Variants in PEBP4 observed in about 807,000 individuals in gnomAD.
PEBP4 encodes the protein phosphatidylethanolamine-binding protein 4.
A neutral mutation model predicts 23.9 loss-of-function variants in PEBP4; 22 were observed. The observed-to-expected ratio is 0.92, with a 90% CI of 0.66 to 1.31. The LOEUF (loss-of-function observed/expected upper bound fraction) is 1.31, where lower values mean the gene tolerates loss of function less well. Ranked by LOEUF, PEBP4 falls within the 40% of genes most tolerant of loss-of-function variation. The pLI is 0.00. For missense variants in PEBP4, 324 were observed against 281.7 expected (o/e 1.15, Z -1.07); for synonymous variants, 112 against 99.3 (o/e 1.13, Z -0.76).
chr8:22,919,470 C>T (rs950270726), intron 3 of PEBP4, among the ~76,000 whole-genome samples: 2 of 152,216 alleles, frequency 1.3e-5, no homozygotes, highest in Non-Finnish European at 2.9e-5. Flanking sequence ...GACCAGAAGG[C>T]CAGATCAGCT....
chr8:22,833,211 A>G (rs1807124223), intron 3 of PEBP4, among the ~76,000 whole-genome samples: 1 of 152,070 alleles, frequency 6.6e-6, no homozygotes, highest in Non-Finnish European at 1.5e-5. Flanking sequence ...GTCTTACCAT[A>G]CCCAATTAGA....
intron 3 of PEBP4, among the ~76,000 whole-genome samples, chr8:22,903,240 C>T (rs1808746581): frequency 6.6e-6 from 1 of 152,204 alleles, no homozygotes; most frequent in African/African-American, 2.4e-5. Context: ...CGTTGAAATC[C>T]TGGCTTCATC....
chr8:22,714,969 A>G (rs1313682074), intron 6 of PEBP4, among the ~76,000 whole-genome samples: 50 of 152,260 alleles, frequency 3.3e-4, no homozygotes, highest in Admixed American at 3.3e-3. Context: ...AGCTTGACAC[A>G]TAATTCGCTT....
At chr8:22,907,043 C>A (rs1228779386) in intron 3 of PEBP4, among the ~76,000 whole-genome samples, 1 of 152,056 alleles carries the variant, frequency 6.6e-6, no homozygotes, top group South Asian at 2.1e-4. Context: ...TGGAAGGTAA[C>A]CTTTAAGCAA....
intron 2 of PEBP4, among the ~76,000 whole-genome samples, chr8:22,920,913 G>C (rs1809185817): frequency 6.6e-6 from 1 of 152,354 alleles, no homozygotes; most frequent in African/African-American, 2.4e-5. Context: ...CCCTCAGGGG[G>C]TAAAACACTG....
At chr8:22,810,711 T>TGTGAGA (rs1353277443) in intron 4 of PEBP4, among the ~76,000 whole-genome samples, 3 of 134,166 alleles carry the variant, frequency 2.2e-5, no homozygotes, top group African/African-American at 9.0e-5. Context: ...TGTGTGTGTG[T>TGTGAGA]GTGAGAGAGA....
chr8:22,792,429 G>A (rs1336219350), intron 4 of PEBP4, among the ~76,000 whole-genome samples: 1 of 152,082 alleles, frequency 6.6e-6, no homozygotes, highest in Non-Finnish European at 1.5e-5. Context: ...CCTGCTTTGT[G>A]GCCTTAGATC....
At chr8:22,770,608 T>C (rs1442726593) in intron 4 of PEBP4, among the ~76,000 whole-genome samples, 1 of 152,232 alleles carries the variant, frequency 6.6e-6, no homozygotes, top group Non-Finnish European at 1.5e-5. Flanking sequence ...TCATTGTGAC[T>C]GTGTGATTTT....
intron 6 of PEBP4, among the ~76,000 whole-genome samples, chr8:22,716,032 G>T (rs889823905): frequency 6.6e-6 from 1 of 152,178 alleles, no homozygotes; most frequent in African/African-American, 2.4e-5. Context: ...TATCCTGGAT[G>T]CACCTAGGCC....
chr8:22,868,014 G>C (rs1276838764), intron 3 of PEBP4, among the ~76,000 whole-genome samples: 1 of 152,184 alleles, frequency 6.6e-6, no homozygotes, highest in Non-Finnish European at 1.5e-5. Flanking sequence ...ATCTAGCCCA[G>C]CCCGGCTGGC....
chr8:22,773,297 A>G (rs993592943), intron 4 of PEBP4, among the ~76,000 whole-genome samples: 1 of 152,208 alleles, frequency 6.6e-6, no homozygotes, highest in African/African-American at 2.4e-5. Context: ...CAGGTGTATT[A>G]TTACTCTGAT....
chr8:22,860,194 A>ATATATATATACACATATATATG (rs1807744631), intron 3 of PEBP4, among the ~76,000 whole-genome samples: 1,698 of 97,138 alleles, frequency 0.017, 101 homozygotes, highest in African/African-American at 0.063. Flanking sequence ...ATATATATGT[A>ATATATATATACACATATATATG]TATATATATA....
chr8:22,841,906 C>G (rs1017887637), intron 3 of PEBP4, among the ~76,000 whole-genome samples: 2 of 152,244 alleles, frequency 1.3e-5, no homozygotes, highest in African/African-American at 4.8e-5. Context: ...GGAGTGCTGT[C>G]TTTGGTTTCC....
intron 3 of PEBP4, among the ~76,000 whole-genome samples, chr8:22,862,421 G>A (rs918188054): frequency 1.3e-5 from 2 of 152,000 alleles, no homozygotes; most frequent in African/African-American, 4.8e-5. Context: ...CAGGGTCCCT[G>A]ATTTCCTCCC....
At chr8:22,751,841 C>G (rs1385273017) in intron 4 of PEBP4, among the ~76,000 whole-genome samples, 1 of 152,152 alleles carries the variant, frequency 6.6e-6, no homozygotes, top group Non-Finnish European at 1.5e-5. Flanking sequence ...CCTGCCTTCC[C>G]ATTGTCAGTC....
intron 3 of PEBP4, among the ~76,000 whole-genome samples, chr8:22,819,387 C>T (rs564371020): frequency 1.3e-5 from 2 of 152,190 alleles, no homozygotes; most frequent in Non-Finnish European, 2.9e-5. Context: ...ACTTGGATAT[C>T]ACTGTTATCA....
upstream of PEBP4, among the ~76,000 whole-genome samples, chr8:22,932,308 T>C (rs1421409603): frequency 1.3e-5 from 2 of 150,672 alleles, no homozygotes; most frequent in African/African-American, 4.9e-5. Context: ...CTTTTAAAGG[T>C]GATGAAAATG....
intron 3 of PEBP4, among the ~76,000 whole-genome samples, chr8:22,858,850 G>A (rs894600517): frequency 1.3e-5 from 2 of 152,208 alleles, no homozygotes; most frequent in Non-Finnish European, 2.9e-5. Flanking sequence ...GGGAGGCTGA[G>A]GCAGGAGAAT....
chr8:22,721,055 G>A (rs1240755908), intron 6 of PEBP4, among the ~76,000 whole-genome samples: 1 of 152,052 alleles, frequency 6.6e-6, no homozygotes, highest in East Asian at 1.9e-4. Flanking sequence ...TAGAAGTGGG[G>A]TAGCTCTAAG....
Sources: allele counts gnomAD v4.1 joint callset (sites outside exome capture counted in the v4.1 genomes callset), GRCh38; gene constraint gnomAD v4.1.1; transcripts MANE v1.5; gene names NCBI Gene and HGNC (gene_info 2026-07-23, HGNC 2026-07-21).